Variants in PPFIA1 observed in about 807,000 individuals in gnomAD.
The protein encoded by PPFIA1 is PPFI scaffold protein A1, also known as liprin-alpha-1.
In PPFIA1, 25 loss-of-function variants were observed where a neutral mutation model predicts 149.9. That is an observed-to-expected ratio of 0.17 (90% CI 0.12 to 0.23). PPFIA1 has a LOEUF of 0.23. Among genes scored for constraint, PPFIA1 ranks in the 10% least tolerant of loss-of-function variants. PPFIA1 has a pLI of 1.00. For missense variants in PPFIA1, 1,362 were observed against 1,506.5 expected (o/e 0.90, Z 1.59); for synonymous variants, 549 against 552.8 (o/e 0.99, Z 0.10).
intron 2 of PPFIA1, among the ~76,000 whole-genome samples, chr11:70,311,173 G>C (rs2053242675): frequency 6.6e-6 from 1 of 152,114 alleles, no homozygotes; most frequent in African/African-American, 2.4e-5. Flanking sequence ...GCCAGGCGTG[G>C]TGGTGCATGC....
At chr11:70,348,090 TA>T in intron 15 of PPFIA1, 98 bp from the exon 16 acceptor site, 4 of 922,592 alleles carry the variant, frequency 4.3e-6, no homozygotes, top group Non-Finnish European at 5.1e-6. Flanking sequence ...TACTGGAGTT[TA>T]CTCATAGTAA....
chr11:70,356,320 G>C, intron 19 of PPFIA1, 66 bp downstream of exon 19: 1 of 1,215,326 alleles, frequency 8.2e-7, no homozygotes, highest in Non-Finnish European at 1.2e-6. Flanking sequence ...TCTAACTAGT[G>C]TTTGTTAATT....
rs533912045 is a variant in PPFIA1, at chr11:70,350,765, G to C, written c.2163+2345G>C. On this transcript the variant is annotated intron_variant, in intron 16 of 27. Coordinates refer to ENST00000253925, the MANE Select transcript of PPFIA1 (RefSeq NM_003626.5). ...ATATTTTAATAAAACACATGAAATA[G>C]AATTTTATCTAAGTAATAATTTATA... Among the ~76,000 whole-genome samples the C allele has an allele frequency of 3.3e-5, 5 of 152,066 alleles. No homozygotes were observed. The East Asian group carries it at 9.6e-4, about 29-fold the overall frequency.
At chr11:70,317,006 T>C (rs1565385735) in intron 2 of PPFIA1, among the ~76,000 whole-genome samples, 2 of 152,232 alleles carry the variant, frequency 1.3e-5, no homozygotes, top group Admixed American at 1.3e-4. Context: ...GAAATACATA[T>C]TTGCATTCTT....
chr11:70,293,588 G>T (rs1432137565), intron 2 of PPFIA1, among the ~76,000 whole-genome samples: 1 of 152,202 alleles, frequency 6.6e-6, no homozygotes, highest in South Asian at 2.1e-4. Context: ...TGTGAGAGCA[G>T]GTGGCTCAGG....
chr11:70,286,291 G>A (rs1309478870), intron 2 of PPFIA1, among the ~76,000 whole-genome samples: 1 of 152,130 alleles, frequency 6.6e-6, no homozygotes, highest in Non-Finnish European at 1.5e-5. Context: ...TCGTCCTGTT[G>A]CCCAGGCTGG....
rs572898473 is a variant in PPFIA1, at chr11:70,326,870, G to A, written c.930+52G>A. ...TGTCATGAAGTTGTATGTTTGGGAC[G>A]TTTTAGTTAAATGATTTTTTTTCTC... is the stretch of plus-strand genomic sequence containing the variant. On this transcript the variant is annotated intron_variant, in intron 7 of 27. Coordinates refer to ENST00000253925, the MANE Select transcript of PPFIA1 (RefSeq NM_003626.5). 4 of 1,462,216 alleles carry A rather than the reference G, an allele frequency of 2.7e-6. No individual in the cohort carries two copies. The East Asian group carries it at 6.8e-5, about 25-fold the overall frequency. 90.6% of individuals were successfully genotyped at this position (1,462,216 alleles called of 1,614,324 possible).
chr11:70,340,451 A>G (rs978857535), intron 14 of PPFIA1, among the ~76,000 whole-genome samples: 1 of 152,222 alleles, frequency 6.6e-6, no homozygotes, highest in African/African-American at 2.4e-5. Context: ...TCTACAAAAT[A>G]AAAGAAGTAA....
intron 21 of PPFIA1, among the ~76,000 whole-genome samples, chr11:70,366,565 G>C (rs1004821389): frequency 2.0e-5 from 3 of 152,190 alleles, no homozygotes; most frequent in African/African-American, 7.2e-5. Context: ...TGTATGTTCA[G>C]ACAGCTTGCC....
At chr11:70,338,484 G>T in intron 13 of PPFIA1, 31 bp downstream of exon 13, 2 of 1,559,506 alleles carry the variant, frequency 1.3e-6, no homozygotes, top group Non-Finnish European at 8.8e-7. Context: ...CAGCCATATT[G>T]TCAGCACCTG....
Position 70,326,588 on chromosome 11 carries a change from CCCT to C in PPFIA1, c.709-8_709-6del. Reference sequence around the variant, plus strand: ...AGGGTATTTAAGGATTTTTTTTTCCCCCTATCAGAGATCTTCTGATGGTTCTTT... The same window carrying C: ...AGGGTATTTAAGGATTTTTTTTTCCCATCAGAGATCTTCTGATGGTTCTTT... On this transcript the variant is annotated splice_polypyrimidine_tract_variant and splice_region_variant and intron_variant, in intron 6 of 27. Coordinates refer to ENST00000253925, the MANE Select transcript of PPFIA1 (RefSeq NM_003626.5). The C allele has an allele frequency of 6.3e-7, 1 of 1,595,518 alleles. No homozygotes were observed. Among genetic ancestry groups the C allele is most frequent in the Non-Finnish European group, 8.5e-7 (1 of 1,169,630 alleles).
chr11:70,278,791 A>G, intron 2 of PPFIA1: 1 of 348,776 alleles, frequency 2.9e-6, no homozygotes, highest in Non-Finnish European at 5.6e-6. Flanking sequence ...AACTTGCTCA[A>G]GTAGAATTAC....
chr11:70,347,191 C>G (rs946001174), intron 15 of PPFIA1, among the ~76,000 whole-genome samples: 9 of 152,184 alleles, frequency 5.9e-5, no homozygotes, highest in African/African-American at 2.2e-4. Flanking sequence ...CTGTAGATTT[C>G]TTCAGCTTTG....
At chr11:70,285,007 T>G (rs9734329) in intron 2 of PPFIA1, among the ~76,000 whole-genome samples, 1 of 152,030 alleles carries the variant, frequency 6.6e-6, no homozygotes. Flanking sequence ...TTTTATTTAT[T>G]TATGTATTTC....
chr11:70,334,664 G>A (rs1318214851), intron 10 of PPFIA1: 1 of 152,272 alleles, frequency 6.6e-6, no homozygotes, highest in Non-Finnish European at 1.5e-5. Flanking sequence ...TAGACCTTAT[G>A]AGAAAAGGAG....
chr11:70,337,348 T>C lies in PPFIA1; in HGVS notation c.1429-17T>C, dbSNP rs1394173823. ...ACATTTTAAAGAAACACTAAAGGAC[T>C]ATCTGTCTTTTTTCAGAACTCTCTT... On this transcript the variant is annotated splice_polypyrimidine_tract_variant and intron_variant, in intron 11 of 27. Coordinates refer to ENST00000253925, the MANE Select transcript of PPFIA1 (RefSeq NM_003626.5). 7.1e-6 allele frequency: 11 copies of C among 1,555,840 alleles called. No individual in the cohort carries two copies. The highest frequency in any genetic ancestry group is 3.4e-4 in the Middle Eastern group (2 of 5,858).
chr11:70,281,670 C>T (rs1165623783), intron 2 of PPFIA1, among the ~76,000 whole-genome samples: 3 of 152,180 alleles, frequency 2.0e-5, no homozygotes, highest in Non-Finnish European at 4.4e-5. Flanking sequence ...GAGTTTTCTT[C>T]CCAGTTATCA....
At chr11:70,314,614 T>C (rs530184765) in intron 2 of PPFIA1, among the ~76,000 whole-genome samples, 1 of 152,314 alleles carries the variant, frequency 6.6e-6, no homozygotes, top group Admixed American at 6.5e-5. Flanking sequence ...TTATATATAC[T>C]TGAAAAATAC....
chr11:70,287,008 T>C (rs1040059730), intron 2 of PPFIA1, among the ~76,000 whole-genome samples: 8 of 147,878 alleles, frequency 5.4e-5, no homozygotes, highest in South Asian at 2.1e-4. Context: ...CACACACACA[T>C]ACATATATGT....
Sources: gnomAD v4.1 joint callset for allele counts (sites outside exome capture counted in the v4.1 genomes callset) on GRCh38, gnomAD v4.1.1 for gene constraint, MANE v1.5 for transcripts, NCBI Gene and HGNC (gene_info 2026-07-23, HGNC 2026-07-21) for gene names.